Variants in ATP2A1 observed in about 807,000 individuals in gnomAD.
The protein encoded by ATP2A1 is sarcoplasmic/endoplasmic reticulum calcium ATPase 1.
A neutral mutation model predicts 109.5 loss-of-function variants in ATP2A1; 83 were observed. That is an observed-to-expected ratio of 0.76 (90% CI 0.63 to 0.91). The LOEUF is 0.91. Among genes scored for constraint, ATP2A1 ranks in the 40% least tolerant of loss-of-function variants. The pLI is 0.00. For synonymous variants in ATP2A1, 505 were observed against 537.6 expected (o/e 0.94, Z 0.84); for missense variants, 1,101 against 1,341.0 (o/e 0.82, Z 2.80).
intron 8 of ATP2A1, 23 bp from the exon 9 acceptor site, chr16:28,888,764 A>C: frequency 6.2e-7 from 1 of 1,609,312 alleles, no homozygotes; most frequent in Non-Finnish European, 8.5e-7. Context: ...AGGTTCCCTC[A>C]CACCCTCCCT....
rs1166788946 is a variant in ATP2A1 at position 28,903,351 on chromosome 16, T to C, written c.2891T>C (p.Leu964Pro). ...ATCTTCAAGCTCCGGGCCCTGGACC[T>C]CACCCAGTGGCTCATGGTCCTCAAG... ...PMIFKLRALD[L>P]TQWLMVLKIS... The change falls in exon 21 of 23, where the codon CTC (leucine) becomes CCC (proline). Residue 964 changes from leucine to proline, a missense_variant. Physicochemically the swap from Leu to Pro is moderately conservative, Grantham distance 98. Transcript: ENST00000395503. The surrounding 1 kb of genome is among the most constrained non-coding windows in gnomAD (Gnocchi z 5.6). 4 of 1,613,842 alleles carry C rather than the reference T, an allele frequency of 2.5e-6. No individual in the cohort carries two copies. In the South Asian group the frequency reaches 4.4e-5, roughly 18 times the overall value.
Position 28,894,175 on chromosome 16 carries a change from G to T in ATP2A1, c.1116G>T (p.Val372=), listed in dbSNP as rs779456597. 2.5e-6 allele frequency: 4 copies of T among 1,613,978 alleles called. No homozygotes were observed. In the East Asian group the frequency reaches 8.9e-5, roughly 36 times the overall value. The part of the protein sequence containing the change: ...SVCKMFIIDK[V]DGDICLLNEF... ...TGCAGATGTTTATCATTGACAAGGT[G>T]GATGGGGACATCTGCCTCCTGAATG... is the stretch of plus-strand genomic sequence containing the variant. The change falls in exon 10 of 23, where the codon GTG becomes GTT. Residue 372 remains valine, a synonymous_variant. Coordinates refer to ENST00000395503, the MANE Select transcript of ATP2A1 (RefSeq NM_004320.6).
chr16:28,899,693 G>A (rs925807359), intron 14 of ATP2A1, among the ~76,000 whole-genome samples: 1 of 129,336 alleles, frequency 7.7e-6, no homozygotes, highest in African/African-American at 3.0e-5. Context: ...ACGTGTCAGG[G>A]CTCACACCTA....
intron 6 of ATP2A1, among the ~76,000 whole-genome samples, chr16:28,886,043 C>T (rs949852690): frequency 6.6e-6 from 1 of 152,014 alleles, no homozygotes; most frequent in Non-Finnish European, 1.5e-5. Flanking sequence ...TGGTGGTGTG[C>T]ACCTGTAGTC....
chr16:28,885,681 G>A (rs574108371), intron 6 of ATP2A1, among the ~76,000 whole-genome samples: 1 of 152,068 alleles, frequency 6.6e-6, no homozygotes, highest in African/African-American at 2.4e-5. Flanking sequence ...AGCCTGAAAC[G>A]GGACGGGTAG....
chr16:28,881,974 C>G (rs62037373), intron 4 of ATP2A1, among the ~76,000 whole-genome samples: 102,813 of 151,500 alleles, frequency 0.68, 35,193 homozygotes, highest in South Asian at 0.86. Context: ...GTCTCGTTCT[C>G]TTGCCCAGGC....
At chr16:28,894,396 ACT>A in intron 10 of ATP2A1, 107 bp from the exon 11 acceptor site, 6 of 1,310,730 alleles carry the variant, frequency 4.6e-6, no homozygotes, top group Non-Finnish European at 6.5e-6. Flanking sequence ...GGCTCTCCCC[ACT>A]GTCCTTCCTT....
intron 12 of ATP2A1, among the ~76,000 whole-genome samples, chr16:28,895,381 A>C (rs978003021): frequency 1.3e-5 from 2 of 152,152 alleles, no homozygotes; most frequent in Admixed American, 6.5e-5. Flanking sequence ...GAACCCGGCC[A>C]CTTCTAGGAC....
At chr16:28,893,521 T>C (rs1481142266) in intron 9 of ATP2A1, among the ~76,000 whole-genome samples, 1 of 152,188 alleles carries the variant, frequency 6.6e-6, no homozygotes, top group Non-Finnish European at 1.5e-5. Context: ...CTGTAGATGG[T>C]CCAGGTGCCA....
At chr16:28,879,882 C>T (rs1963405511) in intron 3 of ATP2A1, 1 of 625,988 alleles carries the variant, frequency 1.6e-6, no homozygotes, top group East Asian at 6.4e-5. Flanking sequence ...CTCCGGGCTC[C>T]GGGTCCCGCC....
intron 12 of ATP2A1, among the ~76,000 whole-genome samples, chr16:28,897,329 A>C (rs1963945119): frequency 6.6e-6 from 1 of 151,876 alleles, no homozygotes. Flanking sequence ...CTCTATCTCT[A>C]AAACATTTTT....
At chr16:28,890,284 G>A (rs74460092) in intron 9 of ATP2A1, among the ~76,000 whole-genome samples, 7,463 of 129,664 alleles carry the variant, frequency 0.058, 665 homozygotes, top group African/African-American at 0.2. Context: ...GTGAGAGTCC[G>A]TCTCTACCAA....
intron 12 of ATP2A1, among the ~76,000 whole-genome samples, chr16:28,896,757 G>A (rs1045328243): frequency 1.6e-5 from 2 of 122,258 alleles, no homozygotes; most frequent in African/African-American, 6.5e-5. Context: ...TGCTCTTGTT[G>A]CCCAGGCTGG....
intron 10 of ATP2A1, 87 bp downstream of exon 10, chr16:28,894,330 C>T: frequency 1.4e-6 from 2 of 1,394,198 alleles, no homozygotes; most frequent in Non-Finnish European, 2.0e-6. Context: ...TGGTTTTGCT[C>T]TCCTTTCACT....
intron 10 of ATP2A1, 112 bp downstream of exon 10, chr16:28,894,355 C>A: frequency 7.7e-7 from 1 of 1,306,336 alleles, no homozygotes; most frequent in Non-Finnish European, 1.1e-6. Flanking sequence ...TCTTCCTCCC[C>A]GACCTTGTTC....
At chr16:28,893,235 AAG>A (rs1175729941) in intron 9 of ATP2A1, among the ~76,000 whole-genome samples, 22 of 148,844 alleles carry the variant, frequency 1.5e-4, no homozygotes, top group South Asian at 4.2e-4. Flanking sequence ...AAAAAAAAAA[AAG>A]AGAGAGAGAG....
chr16:28,902,116 C>T lies in ATP2A1; in HGVS notation c.2321+33C>T, dbSNP rs371549292. 230 of 1,613,808 alleles carry T rather than the reference C, an allele frequency of 1.4e-4. No individual in the cohort carries two copies. Among genetic ancestry groups the T allele is most frequent in the Non-Finnish European group, 1.8e-4 (213 of 1,179,800 alleles). On this transcript the variant is annotated intron_variant, in intron 16 of 22. Coordinates refer to ENST00000395503, the MANE Select transcript of ATP2A1 (RefSeq NM_004320.6). This position sits in a 1 kb window ranked among gnomAD's most constrained non-coding sequence, Gnocchi z 4.8. ...GCTGGGTGGGCGTCCAGGAGGAAGC[C>T]GGGGTTAGGGTGGGGTGGCTGCAGG...
In ATP2A1 at chr16:28,878,616, G is replaced by A. The variant is rs1443382964; in HGVS notation, c.-56G>A. On this transcript the variant is annotated 5_prime_UTR_variant, in exon 1 of 23. Coordinates refer to ENST00000395503, the MANE Select transcript of ATP2A1 (RefSeq NM_004320.6). ...GGACACACTGAGGAAGACCCCCCAC[G>A]AGTGGGAACCCCCTGGAAGGAACAC... 2.1e-6 allele frequency: 3 copies of A among 1,442,328 alleles called. No individual in the cohort carries two copies. Among genetic ancestry groups the A allele is most frequent in the South Asian group, 2.4e-5 (2 of 82,448 alleles). The allele number at this position is 1,442,328 out of a possible 1,614,324, so 89.3% of individuals were successfully genotyped here.
chr16:28,903,279 C>G lies in ATP2A1; in HGVS notation c.2863-44C>G. On this transcript the variant is annotated intron_variant, in intron 20 of 22. Coordinates refer to ENST00000395503, the MANE Select transcript of ATP2A1 (RefSeq NM_004320.6). This position sits in a 1 kb window ranked among gnomAD's most constrained non-coding sequence, Gnocchi z 5.6. Reference sequence around the variant, plus strand: ...GGCTGGGCAGTGCTGGTCTCTGGCTCCCTCCCCACCCCCTCCTGAGAGGGC... The same window carrying G: ...GGCTGGGCAGTGCTGGTCTCTGGCTGCCTCCCCACCCCCTCCTGAGAGGGC... 6.3e-7 allele frequency: 1 copy of G among 1,583,668 alleles called. No homozygotes were observed. Among genetic ancestry groups the G allele is most frequent in the Non-Finnish European group, 8.7e-7 (1 of 1,152,648 alleles).
Sources: gnomAD v4.1 joint callset for allele counts (sites outside exome capture counted in the v4.1 genomes callset) on GRCh38, gnomAD v4.1.1 for gene constraint, Gnocchi (gnomAD v3.1) non-coding constraint, MANE v1.5 for transcripts, NCBI Gene and HGNC (gene_info 2026-07-23, HGNC 2026-07-21) for gene names.